SH3TC2: variants seen among roughly 807,000 people sequenced by gnomAD.
SH3TC2 encodes SH3 domain and tetratricopeptide repeats 2, also known as SH3 domain and tetratricopeptide repeat-containing protein 2.
In SH3TC2, 87 loss-of-function variants were observed where a neutral mutation model predicts 124.5. The ratio of observed to expected loss-of-function variants is 0.70; its 90% CI spans 0.59 to 0.84. SH3TC2 has a LOEUF of 0.84. Among genes scored for constraint, SH3TC2 ranks in the 40% least tolerant of loss-of-function variants. The probability of loss-of-function intolerance (pLI) is 0.00; values close to 1 mark genes in which losing one functional copy is unlikely to be tolerated. For missense variants in SH3TC2, 1,536 were observed against 1,566.4 expected, an observed-to-expected ratio of 0.98 and a Z score of 0.33; for synonymous variants, 634 against 628.5, an observed-to-expected ratio of 1.01 and a Z score of -0.13.
intron 1 of SH3TC2, among the ~76,000 whole-genome samples, chr5:149,060,084 A>G (rs1295606928): frequency 6.6e-6 from 1 of 152,218 alleles, no homozygotes; most frequent in Non-Finnish European, 1.5e-5. Context: ...ACATTTATCA[A>G]AAAGGTTGAA....
At chr5:149,045,280 T>A (rs1032429467) in intron 3 of SH3TC2, 1 of 152,330 alleles carries the variant, frequency 6.6e-6, no homozygotes, top group Non-Finnish European at 1.5e-5. Flanking sequence ...CTAAGCAATA[T>A]TTTGCAAAGC....
Position 148,984,765 on chromosome 5 carries a change from GTA to G in SH3TC2, c.*19944_*19945del, listed in dbSNP as rs1235993105. 2.6e-5 allele frequency among the ~76,000 whole-genome samples: 4 copies of G among 152,150 alleles called. No homozygotes were observed. Among genetic ancestry groups the G allele is most frequent in the Non-Finnish European group, 5.9e-5 (4 of 68,032 alleles). On this transcript the variant is annotated 3_prime_UTR_variant, in exon 17 of 17. Transcript: ENST00000515425. ...GGTGCTGTAAACAAATTTGTTCCCA[GTA>G]TCTGACCTAAGAGAACTTATACTCA... is the stretch of plus-strand genomic sequence containing the variant.
chr5:149,036,410 CCT>C (rs2127399594), intron 8 of SH3TC2, among the ~76,000 whole-genome samples: 1 of 152,270 alleles, frequency 6.6e-6, no homozygotes, highest in East Asian at 1.9e-4. Context: ...CTCTGTGGCT[CCT>C]CTGTTTCCTC....
intron 12 of SH3TC2, among the ~76,000 whole-genome samples, chr5:149,021,868 C>T (rs1753976205): frequency 1.4e-5 from 2 of 142,858 alleles, no homozygotes; most frequent in Non-Finnish European, 3.0e-5. Flanking sequence ...TAACACCAAT[C>T]CTTCACAAAC....
chr5:149,003,849 CAAAA>C lies in SH3TC2; in HGVS notation c.*858_*861del, dbSNP rs5872107. On this transcript the variant is annotated 3_prime_UTR_variant, in exon 17 of 17. Transcript: ENST00000515425. Reference sequence around the variant, plus strand: ...CTGGGCAACAGAGGAGAAACTGTCTCAAAAAAAAAAAAAAAAAAAAAAGACATGT... The same window carrying C: ...CTGGGCAACAGAGGAGAAACTGTCTCAAAAAAAAAAAAAAAAAAGACATGT... 0.18 allele frequency: 30,722 copies of C among 168,608 alleles called. 1,274 individuals carry two copies. Among genetic ancestry groups the C allele is most frequent in the East Asian group, 0.28 (1,505 of 5,464 alleles). 10.4% of individuals were successfully genotyped at this position (168,608 alleles called of 1,614,324 possible).
chr5:149,028,882 A>T (rs1464857542), intron 9 of SH3TC2, among the ~76,000 whole-genome samples, 164 bp from the exon 10 acceptor site: 1 of 152,138 alleles, frequency 6.6e-6, no homozygotes, highest in Non-Finnish European at 1.5e-5. Context: ...CCATCATCTT[A>T]AGAGCTGTAG....
intron 3 of SH3TC2, chr5:149,045,990 C>A (rs138266821): frequency 3.3e-5 from 14 of 424,054 alleles, no homozygotes; most frequent in Non-Finnish European, 5.6e-5. Flanking sequence ...TGAATCACTG[C>A]CCAGACTTAG....
Position 148,988,380 on chromosome 5 carries a change from C to T in SH3TC2, c.*16331G>A, listed in dbSNP as rs932537049. On this transcript the variant is annotated 3_prime_UTR_variant, in exon 17 of 17. Coordinates refer to ENST00000515425, the MANE Select transcript of SH3TC2 (RefSeq NM_024577.4). ...TGCCATTGAGTAATCCCCTCCTATA[C>T]CAGCTCTAGGCTGGCTTTGTATAAC... Among the ~76,000 whole-genome samples, 2 of 152,146 alleles carry T rather than the reference C, an allele frequency of 1.3e-5. No homozygotes were observed. Among genetic ancestry groups the T allele is most frequent in the African/African-American group, 2.4e-5 (1 of 41,438 alleles).
chr5:149,044,376 GT>G, intron 4 of SH3TC2, 156 bp downstream of exon 4: 1 of 643,316 alleles, frequency 1.6e-6, no homozygotes, highest in East Asian at 2.8e-5. Flanking sequence ...CTTAGATTTA[GT>G]TTGAGGCACT....
At position 148,984,116 on chromosome 5, in the gene SH3TC2, A is replaced by T. The variant is rs1248110421; in HGVS notation, c.*20595T>A. Among the ~76,000 whole-genome samples, 2 of 152,210 alleles carry T rather than the reference A, an allele frequency of 1.3e-5. No individual in the cohort carries two copies. Among genetic ancestry groups the T allele is most frequent in the Non-Finnish European group, 1.5e-5 (1 of 68,046 alleles). Reference sequence around the variant, plus strand: ...ACGTTTTCAGCTATTATTTCTTTAGATAGGCTTTGTGTCCCTTTATCTCTC... The same window carrying T: ...ACGTTTTCAGCTATTATTTCTTTAGTTAGGCTTTGTGTCCCTTTATCTCTC... On this transcript the variant is annotated 3_prime_UTR_variant, in exon 17 of 17. Transcript: ENST00000515425.
Position 148,985,159 on chromosome 5 carries a change from C to T in SH3TC2, c.*19552G>A, listed in dbSNP as rs1410058775. ...GCTACTTTTCTGGAAAAAAAAAAAA[C>T]TATTCACTCAAAGCACTTAAAATCA... On this transcript the variant is annotated 3_prime_UTR_variant, in exon 17 of 17. Transcript: ENST00000515425. 2.1e-5 allele frequency among the ~76,000 whole-genome samples: 3 copies of T among 139,756 alleles called. No homozygotes were observed. The highest frequency in any genetic ancestry group is 2.3e-4 in the South Asian group (1 of 4,366). 91.7% of individuals were successfully genotyped at this position (139,756 alleles called of 152,430 possible).
At chr5:149,056,194 G>C (rs554484531) in intron 1 of SH3TC2, among the ~76,000 whole-genome samples, 1 of 152,104 alleles carries the variant, frequency 6.6e-6, no homozygotes, top group Non-Finnish European at 1.5e-5. Context: ...TTGTTATACA[G>C]ATTATTTCAT....
In SH3TC2 at chr5:148,996,695, C is replaced by T. The variant is rs1753514718; in HGVS notation, c.*8016G>A. On this transcript the variant is annotated 3_prime_UTR_variant, in exon 17 of 17. Transcript: ENST00000515425. The stretch of plus-strand genomic sequence containing the variant: ...CTATGAAGTAGATGTCAGATATATC[C>T]CCAGATGAACAAACATCAGAAGTTC... 6.6e-6 allele frequency among the ~76,000 whole-genome samples: 1 copy of T among 152,030 alleles called. No individual in the cohort carries two copies. The highest frequency in any genetic ancestry group is 2.4e-5 in the African/African-American group (1 of 41,388).
In SH3TC2 at chr5:149,047,970, A is replaced by C; in HGVS notation, c.171T>G (p.Cys57Trp). The change falls in exon 3 of 17, where the codon TGT (cysteine) becomes TGG (tryptophan). Residue 57 changes from cysteine to tryptophan, a missense_variant. Transcript: ENST00000515425. Reference sequence around the variant, plus strand: ...CACACCTCCTGGAGCGGCTCTTTACACAGAAGGAGAGTGTCAGGTCTTAAA... The same window carrying C: ...CACACCTCCTGGAGCGGCTCTTTACCCAGAAGGAGAGTGTCAGGTCTTAAA... ...NINPDLTLSF[C>W]VKSRSRRCVN... 5 of 1,614,070 alleles carry C rather than the reference A, an allele frequency of 3.1e-6. No homozygotes were observed. The highest frequency in any genetic ancestry group is 4.2e-6 in the Non-Finnish European group (5 of 1,179,978).
At chr5:149,017,208 A>G (rs1004737388) in intron 12 of SH3TC2, among the ~76,000 whole-genome samples, 7 of 152,196 alleles carry the variant, frequency 4.6e-5, no homozygotes, top group Admixed American at 6.5e-5. Context: ...TGCCTGGGCC[A>G]TAGTAAATGC....
rs1424955071 is a variant in SH3TC2, at chr5:149,001,497, A to C, written c.*3214T>G. The C allele has an allele frequency of 6.6e-6, 1 of 152,228 alleles. No individual in the cohort carries two copies. Among genetic ancestry groups the C allele is most frequent in the African/African-American group, 2.4e-5 (1 of 41,452 alleles). 9.4% of individuals were successfully genotyped at this position (152,228 alleles called of 1,614,324 possible). A position where few individuals can be genotyped will look rare whatever the true frequency, so the allele number is the denominator to read the frequency against. On this transcript the variant is annotated 3_prime_UTR_variant, in exon 17 of 17. Transcript: ENST00000515425. ...CTTATTTTTTTAAATGTTTAAGTAG[A>C]GACCAAATCCAATCACCACTTTACT...
intron 1 of SH3TC2, among the ~76,000 whole-genome samples, chr5:149,057,161 A>T (rs1405052781): frequency 6.6e-6 from 1 of 152,224 alleles, no homozygotes; most frequent in African/African-American, 2.4e-5. Flanking sequence ...TTTAATATTA[A>T]TACTTTAATC....
intron 15 of SH3TC2, 119 bp downstream of exon 15, chr5:149,008,732 G>A: frequency 7.1e-7 from 1 of 1,398,666 alleles, no homozygotes; most frequent in Non-Finnish European, 1.0e-6. Context: ...TCTGACAGTT[G>A]GACCTGGGAT....
intron 1 of SH3TC2, among the ~76,000 whole-genome samples, chr5:149,054,435 C>A (rs1334026916): frequency 1.3e-5 from 2 of 152,160 alleles, no homozygotes; most frequent in Non-Finnish European, 2.9e-5. Context: ...TGAGGTTCTG[C>A]ATTTCTGATG....
Sources: allele counts gnomAD v4.1 joint callset (sites outside exome capture counted in the v4.1 genomes callset), GRCh38; gene constraint gnomAD v4.1.1; transcripts MANE v1.5; gene names NCBI Gene and HGNC (gene_info 2026-07-23, HGNC 2026-07-21).